The following ASTN2 variants were observed in gnomAD, a reference collection of about 807,000 sequenced individuals.
ASTN2 encodes the protein astrotactin-2.
Under a neutral mutation model 139.8 loss-of-function variants are expected in ASTN2, and 54 were observed. The ratio of observed to expected loss-of-function variants is 0.39; its 90% CI spans 0.31 to 0.48. The LOEUF is 0.48. ASTN2 is among the 20% of genes least tolerant of loss of function. The pLI is 0.95. For synonymous variants in ASTN2, 756 were observed against 719.5 expected (o/e 1.05, Z -0.81); for missense variants, 1,565 against 1,725.1 (o/e 0.91, Z 1.64).
intron 12 of ASTN2, among the ~76,000 whole-genome samples, chr9:116,813,058 T>C (rs985222535): frequency 6.6e-6 from 1 of 152,194 alleles, no homozygotes; most frequent in African/African-American, 2.4e-5. Context: ...CATAATTATA[T>C]AGCTTCTTTA....
At chr9:116,859,718 G>T (rs1031079516) in intron 11 of ASTN2, among the ~76,000 whole-genome samples, 5 of 152,216 alleles carry the variant, frequency 3.3e-5, no homozygotes, top group African/African-American at 1.2e-4. Context: ...GGATGAGGGG[G>T]TGCAGAATAT....
chr9:117,199,169 C>T (rs1417943858), intron 3 of ASTN2, among the ~76,000 whole-genome samples: 1 of 152,144 alleles, frequency 6.6e-6, no homozygotes, highest in Admixed American at 6.5e-5. Flanking sequence ...GCTTTTGTTG[C>T]AATTGCTTTT....
chr9:116,673,141 A>G (rs1021896299), intron 16 of ASTN2, among the ~76,000 whole-genome samples: 7 of 152,366 alleles, frequency 4.6e-5, no homozygotes, highest in Middle Eastern at 3.4e-3. Context: ...GGAATCATCT[A>G]GAGGGTATTT....
At position 116,651,584 on chromosome 9, in the gene ASTN2, C is replaced by T. The variant is rs1259502140; in HGVS notation, c.3016G>A (p.Glu1006Lys). The T allele has an allele frequency of 2.5e-6, 4 of 1,614,042 alleles. No individual in the cohort carries two copies. The African/African-American group carries it at 4.0e-5, about 16-fold the overall frequency. ...TAAAGTGGCACCACACGGTTGATTT[C>T]CAGCAGCACTGGTGTGGGGCTCAGC... ...EQLSPTPVLL[E>K]INRVVPLYTL... Residue 1006 changes from glutamate (E) to lysine (K), a missense_variant, in exon 17 of 23, where the codon GAA (glutamate) becomes AAA (lysine). By Grantham distance (56) the Glu-to-Lys change is moderately conservative. This residue lies in a region of ASTN2 where 418 missense variants were observed against 465.8 expected (regional missense o/e 0.90). Coordinates refer to ENST00000313400, the MANE Select transcript of ASTN2 (RefSeq NM_001365068.1).
intron 5 of ASTN2, among the ~76,000 whole-genome samples, chr9:117,091,442 A>G (rs1828703239): frequency 6.6e-6 from 1 of 152,072 alleles, no homozygotes; most frequent in Admixed American, 6.5e-5. Context: ...GTAAGTGTAA[A>G]ATTATAGTGG....
At chr9:116,687,376 G>C (rs921383438) in intron 16 of ASTN2, 2 of 439,574 alleles carry the variant, frequency 4.5e-6, no homozygotes, top group African/African-American at 4.3e-5. Context: ...AGCCGCGGGC[G>C]GTCAGGTAGG....
Position 116,941,901 on chromosome 9 carries a change from C to G in ASTN2, c.1889+33307G>C, listed in dbSNP as rs73529917. On this transcript the variant is annotated intron_variant, in intron 10 of 22. Coordinates refer to ENST00000313400, the MANE Select transcript of ASTN2 (RefSeq NM_001365068.1). ...AAGCAAGATAGCCAGACGACATGAG[C>G]AGAGAGGTAGGAAGAACACTGGGCC... 8.9e-3 allele frequency among the ~76,000 whole-genome samples: 1,340 copies of G among 150,550 alleles called. 29 individuals are homozygous for G. Among genetic ancestry groups the G allele is most frequent in the African/African-American group, 0.031 (1,269 of 41,112 alleles).
chr9:116,863,467 A>G (rs948651775), intron 11 of ASTN2, 116 bp downstream of exon 11: 4 of 1,356,900 alleles, frequency 2.9e-6, no homozygotes, highest in African/African-American at 2.9e-5. Flanking sequence ...GCAGAGGCAG[A>G]TAAGGGTAGT....
intron 10 of ASTN2, among the ~76,000 whole-genome samples, chr9:116,900,534 A>T (rs1833982233): frequency 6.6e-6 from 1 of 152,222 alleles, no homozygotes; most frequent in Non-Finnish European, 1.5e-5. Context: ...TAACCCTCAG[A>T]AATGAAAAGT....
chr9:116,833,289 C>T (rs193002140), intron 11 of ASTN2, among the ~76,000 whole-genome samples: 2 of 152,110 alleles, frequency 1.3e-5, no homozygotes, highest in Non-Finnish European at 2.9e-5. Context: ...TTTTTCTCTC[C>T]TCTCTTCCTT....
intron 3 of ASTN2, among the ~76,000 whole-genome samples, chr9:117,146,789 G>C (rs1830207755): frequency 6.6e-6 from 1 of 151,882 alleles, no homozygotes; most frequent in Non-Finnish European, 1.5e-5. Flanking sequence ...TGTTCTATGA[G>C]AAAAAAAATT....
chr9:117,409,708 T>C (rs1273083846), intron 1 of ASTN2, among the ~76,000 whole-genome samples: 1 of 152,184 alleles, frequency 6.6e-6, no homozygotes, highest in Non-Finnish European at 1.5e-5. Flanking sequence ...TGGGCACAGC[T>C]CACTGAAGCC....
chr9:117,039,747 C>G, intron 6 of ASTN2, 72 bp downstream of exon 6: 3 of 1,490,964 alleles, frequency 2.0e-6, no homozygotes, highest in South Asian at 2.8e-5. Context: ...TGGCCATACA[C>G]AGAAACCTTT....
chr9:116,612,087 C>A (rs1046991016), intron 19 of ASTN2: 1 of 152,040 alleles, frequency 6.6e-6, no homozygotes, highest in African/African-American at 2.4e-5. Context: ...TTAATAGACA[C>A]AGAAAATTCA....
chr9:117,230,516 T>C (rs6478297), intron 2 of ASTN2, among the ~76,000 whole-genome samples: 71,868 of 151,990 alleles, frequency 0.47, 17,333 homozygotes, highest in South Asian at 0.62. Flanking sequence ...CCTTAATTAA[T>C]TACATCTATA....
chr9:117,410,029 T>C (rs1213388975), intron 1 of ASTN2, among the ~76,000 whole-genome samples: 1 of 152,250 alleles, frequency 6.6e-6, no homozygotes, highest in Non-Finnish European at 1.5e-5. Context: ...TAACACAGAC[T>C]AATGAATAGC....
intron 10 of ASTN2, among the ~76,000 whole-genome samples, chr9:116,956,094 C>CTTTTTTTTTT (rs71379245): frequency 3.4e-5 from 4 of 119,154 alleles, no homozygotes; most frequent in East Asian, 2.5e-4. Context: ...TTTTTCTTTT[C>CTTTTTTTTTT]TTTTTTTTTT....
At chr9:116,962,207 C>T (rs1222040461) in intron 10 of ASTN2, among the ~76,000 whole-genome samples, 2 of 152,234 alleles carry the variant, frequency 1.3e-5, no homozygotes, top group Non-Finnish European at 2.9e-5. Context: ...TCACCTGGGA[C>T]TTGTTCTCTT....
At chr9:116,811,000 C>T (rs1343789176) in intron 12 of ASTN2, among the ~76,000 whole-genome samples, 1 of 152,120 alleles carries the variant, frequency 6.6e-6, no homozygotes, top group Non-Finnish European at 1.5e-5. Context: ...GCAGTGTTCT[C>T]ATTAAATTTC....
Sources: gnomAD v4.1 joint callset for allele counts (sites outside exome capture counted in the v4.1 genomes callset) on GRCh38, gnomAD v4.1.1 for gene constraint, gnomAD v4.1.1 regional missense constraint, MANE v1.5 for transcripts, NCBI Gene and HGNC (gene_info 2026-07-23, HGNC 2026-07-21) for gene names.